CHN2: variants seen among roughly 807,000 people sequenced by gnomAD.
CHN2 encodes the protein beta-chimaerin.
A neutral mutation model predicts 56.3 loss-of-function variants in CHN2; 35 were observed. The ratio of observed to expected loss-of-function variants is 0.62; its 90% CI spans 0.47 to 0.82. The LOEUF is 0.82. CHN2 is among the 40% of genes least tolerant of loss of function. The pLI, the probability that CHN2 is intolerant of heterozygous loss-of-function variation, is 0.00. For missense variants in CHN2, 491 were observed against 580.5 expected (o/e 0.85, Z 1.58); for synonymous variants, 210 against 212.8 (o/e 0.99, Z 0.12).
At chr7:29,306,802 A>G (rs1397702619) in intron 1 of CHN2, among the ~76,000 whole-genome samples, 1 of 152,222 alleles carries the variant, frequency 6.6e-6, no homozygotes, top group African/African-American at 2.4e-5. Flanking sequence ...GCTGACAGCA[A>G]ACTTAATCAG....
At chr7:29,332,576 G>T (rs868117927) in intron 1 of CHN2, among the ~76,000 whole-genome samples, 2 of 136,476 alleles carry the variant, frequency 1.5e-5, no homozygotes, top group Non-Finnish European at 3.3e-5. Flanking sequence ...TCAGCCACAC[G>T]GTCTCCAGGG....
In CHN2 at chr7:29,454,567, C is replaced by G. The variant is rs1784620671; in HGVS notation, c.577-25712C>G. ...GGCTGCAGTAACAACCCCCAGATGT[C>G]AGTGGCAAAGCATCAAACATTTATT... is the stretch of plus-strand genomic sequence containing the variant. On this transcript the variant is annotated intron_variant, in intron 6 of 12. Transcript: ENST00000222792. 2.6e-5 allele frequency among the ~76,000 whole-genome samples: 4 copies of G among 152,314 alleles called. No homozygotes were observed. In the South Asian group the frequency reaches 8.3e-4, roughly 32 times the overall value.
At chr7:29,216,419 T>C (rs1050088618) in intron 1 of CHN2, among the ~76,000 whole-genome samples, 3 of 152,258 alleles carry the variant, frequency 2.0e-5, no homozygotes, top group African/African-American at 7.2e-5. Context: ...GTGCCCATTT[T>C]GAAACCCACT....
At chr7:29,512,047 G>C (rs1355398704) in intron 12 of CHN2, among the ~76,000 whole-genome samples, 1 of 152,052 alleles carries the variant, frequency 6.6e-6, no homozygotes, top group Non-Finnish European at 1.5e-5. Context: ...ATAACGGCCT[G>C]ACTCTTCCTC....
intron 1 of CHN2, among the ~76,000 whole-genome samples, chr7:29,229,012 C>T (rs1039629267): frequency 2.0e-5 from 3 of 152,176 alleles, no homozygotes; most frequent in African/African-American, 4.8e-5. Context: ...GGGATGGACT[C>T]GATTGCCAGC....
intron 1 of CHN2, among the ~76,000 whole-genome samples, chr7:29,266,212 A>G (rs561628160): frequency 6.6e-6 from 1 of 152,316 alleles, no homozygotes; most frequent in South Asian, 2.1e-4. Context: ...CTCACTAGGC[A>G]TTCACCAGAG....
At chr7:29,375,568 A>G (rs1236105645) in intron 3 of CHN2, among the ~76,000 whole-genome samples, 1 of 152,180 alleles carries the variant, frequency 6.6e-6, no homozygotes, top group African/African-American at 2.4e-5. Flanking sequence ...ACTATGTGGT[A>G]TTGTTCATTG....
At chr7:29,200,891 G>C (rs1251410229) in intron 1 of CHN2, 2 of 152,194 alleles carry the variant, frequency 1.3e-5, no homozygotes, top group African/African-American at 4.8e-5. Context: ...GAATTGGGAT[G>C]AGTGTATCAT....
At chr7:29,401,000 G>A (rs534388231) in intron 6 of CHN2, 172 bp downstream of exon 6, 170 of 664,574 alleles carry the variant, frequency 2.6e-4, no homozygotes, top group South Asian at 4.9e-4. Flanking sequence ...CAGGCCGGGC[G>A]TGGTGGCTCA....
At chr7:29,165,247 G>A (rs946003170) in intron 2 of CHN2, among the ~76,000 whole-genome samples, 6 of 152,052 alleles carry the variant, frequency 3.9e-5, no homozygotes, top group African/African-American at 1.2e-4. Flanking sequence ...TAAAGGTCTT[G>A]CATAAGTTTT....
At chr7:29,358,727 G>A (rs1054929943) in intron 2 of CHN2, among the ~76,000 whole-genome samples, 2 of 152,082 alleles carry the variant, frequency 1.3e-5, no homozygotes, top group Non-Finnish European at 2.9e-5. Context: ...GCCTCCCAAA[G>A]TGCTGGGATT....
intron 1 of CHN2, among the ~76,000 whole-genome samples, chr7:29,274,296 A>G (rs1172998402): frequency 6.6e-6 from 1 of 152,208 alleles, no homozygotes; most frequent in Non-Finnish European, 1.5e-5. Context: ...CTCAAATTGC[A>G]TGTGCTCCAC....
intron 6 of CHN2, among the ~76,000 whole-genome samples, chr7:29,467,009 T>C (rs1785601132): frequency 6.6e-6 from 1 of 152,218 alleles, no homozygotes; most frequent in African/African-American, 2.4e-5. Context: ...AAGCATAGTA[T>C]AGTTATCATT....
At chr7:29,401,334 A>G (rs1469485480) in intron 6 of CHN2, 1 of 154,038 alleles carries the variant, frequency 6.5e-6, no homozygotes, top group Non-Finnish European at 1.4e-5. Context: ...ATGTTTGATG[A>G]TTTGTTCAAA....
At chr7:29,498,968 C>G (rs1789627007) in intron 8 of CHN2, among the ~76,000 whole-genome samples, 2 of 152,060 alleles carry the variant, frequency 1.3e-5, no homozygotes, top group African/African-American at 4.8e-5. Flanking sequence ...ACCATGTTGA[C>G]TGGTCTCAAA....
At chr7:29,162,141 C>A (rs1250063391) in intron 2 of CHN2, among the ~76,000 whole-genome samples, 1 of 152,224 alleles carries the variant, frequency 6.6e-6, no homozygotes, top group Admixed American at 6.5e-5. Flanking sequence ...CACACATTTA[C>A]TATACAACTG....
At chr7:29,448,316 A>G (rs1393334525) in intron 6 of CHN2, among the ~76,000 whole-genome samples, 17 of 152,094 alleles carry the variant, frequency 1.1e-4, no homozygotes, top group Admixed American at 1.1e-3. Context: ...GAACTTCACA[A>G]CATCATGCTC....
chr7:29,202,247 C>A (rs1392741703), intron 1 of CHN2, among the ~76,000 whole-genome samples: 1 of 152,184 alleles, frequency 6.6e-6, no homozygotes, highest in East Asian at 1.9e-4. Flanking sequence ...AGATTTTCTA[C>A]CAACCTGGCC....
chr7:29,169,054 AG>A (rs975242890), intron 2 of CHN2, among the ~76,000 whole-genome samples: 1 of 152,228 alleles, frequency 6.6e-6, no homozygotes, highest in African/African-American at 2.4e-5. Flanking sequence ...TGATTTTCAT[AG>A]GCAATTCTAA....
Sources: allele counts gnomAD v4.1 joint callset (sites outside exome capture counted in the v4.1 genomes callset), GRCh38; gene constraint gnomAD v4.1.1; transcripts MANE v1.5; gene names NCBI Gene and HGNC (gene_info 2026-07-23, HGNC 2026-07-21).